Variants in CATSPERD observed in about 807,000 individuals in gnomAD.
The protein encoded by CATSPERD is cation channel sperm-associated auxiliary subunit delta.
A neutral mutation model predicts 98.1 loss-of-function variants in CATSPERD; 86 were observed. The observed-to-expected ratio is 0.88, with a 90% CI of 0.74 to 1.05. CATSPERD has a LOEUF of 1.05. CATSPERD is among the 50% of genes least tolerant of loss of function. The pLI is 0.00. For synonymous variants in CATSPERD, 394 were observed against 390.2 expected, an observed-to-expected ratio of 1.01 and a Z score of -0.12; for missense variants, 995 against 1,005.7, an observed-to-expected ratio of 0.99 and a Z score of 0.14.
At chr19:5,722,981 G>C (rs937788124) in intron 1 of CATSPERD, among the ~76,000 whole-genome samples, 1 of 151,914 alleles carries the variant, frequency 6.6e-6, no homozygotes, top group African/African-American at 2.4e-5. Flanking sequence ...GAGGTCAGGA[G>C]ATCGAGACCA....
intron 15 of CATSPERD, among the ~76,000 whole-genome samples, chr19:5,760,374 A>C (rs145688958): frequency 7.5e-5 from 11 of 147,374 alleles, no homozygotes; most frequent in Non-Finnish European, 1.3e-4. Flanking sequence ...ACTCCATGCT[A>C]GGTGATAGAG....
intron 11 of CATSPERD, among the ~76,000 whole-genome samples, chr19:5,751,197 CAAAAAAAAAAAAAAAAAAAAAAAA>C (rs556079596): frequency 8.6e-5 from 4 of 46,600 alleles, no homozygotes; most frequent in Non-Finnish European, 1.2e-4. Context: ...GATTCCGTCT[CAAAAAAAAAAAAAAAAAAAAAAAA>C]AAAAAAAAAA....
rs116647804 is a variant in CATSPERD, at chr19:5,765,225, C to T, written c.1507-878C>T. 6.8e-3 allele frequency among the ~76,000 whole-genome samples: 1,032 copies of T among 152,240 alleles called. 18 individuals carry two copies. Among genetic ancestry groups the T allele is most frequent in the African/African-American group, 0.024 (995 of 41,538 alleles). On this transcript the variant is annotated intron_variant, in intron 16 of 21. Transcript: ENST00000381624. ...CGCCTGGCCCATGTTTGTCTTAATACAAAACAGTTTTCAAATACTAAAAGT... is the reference window on the plus strand; with the variant it reads ...CGCCTGGCCCATGTTTGTCTTAATATAAAACAGTTTTCAAATACTAAAAGT...
At position 5,745,997 on chromosome 19, in the gene CATSPERD, G is replaced by A. The variant is rs1416219966; in HGVS notation, c.742G>A (p.Ala248Thr). Reference protein sequence around the residue: ...DYNGTLDILIAPGQRGILLLW... With the variant: ...DYNGTLDILITPGQRGILLLW... ...TAATGGGACTCTAGACATCCTCATC[G>A]CCCCCGGCCAGAGAGGCATCCTGCT... The change falls in exon 9 of 22, where the codon GCC (alanine) becomes ACC (threonine). Residue 248 changes from alanine to threonine, a missense_variant. By Grantham distance (58) the Ala-to-Thr change is moderately conservative. Transcript: ENST00000381624. The A allele has an allele frequency of 1.4e-5, 23 of 1,613,900 alleles. No individual in the cohort carries two copies. Among genetic ancestry groups the A allele is most frequent in the Admixed American group, 1.7e-5 (1 of 59,954 alleles).
rs1187925310 is a variant in CATSPERD at position 5,738,370 on chromosome 19, A to AG, written c.460-955dup. Among the ~76,000 whole-genome samples the AG allele has an allele frequency of 3.7e-3, 540 of 145,828 alleles. 10 individuals carry two copies. Among genetic ancestry groups the AG allele is most frequent in the Admixed American group, 5.5e-3 (80 of 14,502 alleles). On this transcript the variant is annotated intron_variant, in intron 6 of 21. Transcript: ENST00000381624. ...CAAAATACAAAAAAAAAAAAAAAAAAGAAAAGAAAAAAATAGCTAGATATG... is the reference window on the plus strand; with the variant it reads ...CAAAATACAAAAAAAAAAAAAAAAAAGGAAAAGAAAAAAATAGCTAGATATG...
chr19:5,720,895 A>G (rs1482996123), intron 1 of CATSPERD, 87 bp downstream of exon 1: 4 of 1,076,596 alleles, frequency 3.7e-6, no homozygotes, highest in South Asian at 3.0e-5. Flanking sequence ...CTGCTCCCCA[A>G]CCTCACTGAG....
At chr19:5,742,340 A>G (rs59997259) in intron 7 of CATSPERD, among the ~76,000 whole-genome samples, 14,120 of 61,214 alleles carry the variant, frequency 0.23, 1,355 homozygotes, top group African/African-American at 0.39. Flanking sequence ...ATGTGTGTAC[A>G]TGTGTGTGTG....
intron 18 of CATSPERD, 55 bp downstream of exon 18, chr19:5,768,297 A>G: frequency 2.2e-6 from 3 of 1,372,388 alleles, no homozygotes; most frequent in Non-Finnish European, 3.0e-6. Flanking sequence ...TTGGGCCTGC[A>G]AAAGCCAAGA....
chr19:5,735,505 G>C (rs62107430), intron 5 of CATSPERD, among the ~76,000 whole-genome samples: 39,718 of 146,224 alleles, frequency 0.27, 6,476 homozygotes, highest in Non-Finnish European at 0.37. Flanking sequence ...ACGGAGTCTC[G>C]CTCTGTCACT....
At chr19:5,756,034 A>C (rs2145802304) in intron 13 of CATSPERD, among the ~76,000 whole-genome samples, 1 of 152,154 alleles carries the variant, frequency 6.6e-6, no homozygotes, top group Non-Finnish European at 1.5e-5. Flanking sequence ...TAATCCCAGC[A>C]CTTTGGGAGG....
chr19:5,733,387 G>C (rs2436534), intron 4 of CATSPERD, among the ~76,000 whole-genome samples: 117,189 of 145,514 alleles, frequency 0.81, 47,010 homozygotes, highest in East Asian at 0.88. Context: ...CTCCCTCTCT[G>C]CCTCCTTCCT....
chr19:5,772,901 C>A lies in CATSPERD; in HGVS notation c.1877C>A (p.Ser626Tyr), dbSNP rs753794105. Residue 626 changes from serine (S) to tyrosine (Y), a missense_variant, in exon 20 of 22, where the codon TCC becomes TAC. By Grantham distance (144) the Ser-to-Tyr change is moderately radical. Coordinates refer to ENST00000381624, the MANE Select transcript of CATSPERD (RefSeq NM_152784.4). The part of the protein sequence containing the change: ...SLTAQSAMCT[S>Y]QPQNWTTMIK... ...ACGGCCCAGTCGGCCATGTGTACCT[C>A]CCAGCCGCAGAACTGGACCACCATG... The A allele has an allele frequency of 3.7e-6, 6 of 1,614,138 alleles. No individual in the cohort carries two copies. In the South Asian group the frequency reaches 6.6e-5, roughly 18 times the overall value.
At chr19:5,748,615 TGA>T (rs899906469) in intron 10 of CATSPERD, among the ~76,000 whole-genome samples, 2 of 117,162 alleles carry the variant, frequency 1.7e-5, no homozygotes, top group Admixed American at 2.3e-4. Context: ...GGCGACACAG[TGA>T]GACTCCAAAA....
At chr19:5,774,783 G>A (rs937163349) in intron 20 of CATSPERD, among the ~76,000 whole-genome samples, 5 of 152,006 alleles carry the variant, frequency 3.3e-5, no homozygotes, top group East Asian at 1.9e-4. Flanking sequence ...TTGGGAGGCC[G>A]AGGTGGATGG....
chr19:5,720,805 G>T lies in CATSPERD; in HGVS notation c.68G>T (p.Cys23Phe). The change falls in exon 1 of 22, where the codon TGT (cysteine) becomes TTT (phenylalanine). Residue 23 changes from cysteine (C) to phenylalanine (F), a missense_variant. Physicochemically the swap from Cys to Phe is radical, Grantham distance 205 (BLOSUM62 -2). This residue lies in a region of CATSPERD where 228 missense variants were observed against 209.6 expected (regional missense o/e 1.09). Coordinates refer to ENST00000381624, the MANE Select transcript of CATSPERD (RefSeq NM_152784.4). ...CGACCGCTGGTCACAGCTCAGCTCTGTCGGTGGGGCTGCCAGGACTCCTGG... is the reference window on the plus strand; with the variant it reads ...CGACCGCTGGTCACAGCTCAGCTCTTTCGGTGGGGCTGCCAGGACTCCTGG... ...WLRPLVTAQL[C>F]RSRTVRTGKV... 6.3e-7 allele frequency: 1 copy of T among 1,599,310 alleles called. No homozygotes were observed. Among genetic ancestry groups the T allele is most frequent in the Non-Finnish European group, 8.5e-7 (1 of 1,178,728 alleles).
chr19:5,746,316 T>A, intron 9 of CATSPERD, among the ~76,000 whole-genome samples: 1 of 151,926 alleles, frequency 6.6e-6, no homozygotes, highest in Non-Finnish European at 1.5e-5. Flanking sequence ...GTGACAAGAG[T>A]CTCCGTCATG....
At chr19:5,747,987 C>T (rs935829033) in intron 9 of CATSPERD, among the ~76,000 whole-genome samples, 173 bp from the exon 10 acceptor site, 1 of 152,086 alleles carries the variant, frequency 6.6e-6, no homozygotes, top group Non-Finnish European at 1.5e-5. Context: ...GCTGTATTCT[C>T]CTTGATTCAT....
chr19:5,737,126 T>C lies in CATSPERD; in HGVS notation c.392-12T>C. Reference sequence around the variant, plus strand: ...AACTCATAAACATTTCAAAATTATATTTTCCTTTCAGGTATAAAACACCCT... The same window carrying C: ...AACTCATAAACATTTCAAAATTATACTTTCCTTTCAGGTATAAAACACCCT... On this transcript the variant is annotated splice_polypyrimidine_tract_variant and intron_variant, in intron 5 of 21. Transcript: ENST00000381624. The C allele has an allele frequency of 1.3e-6, 2 of 1,564,010 alleles. No homozygotes were observed. The highest frequency in any genetic ancestry group is 2.3e-5 in the South Asian group (2 of 88,332).
At chr19:5,776,385 G>A (rs375676642) in intron 21 of CATSPERD, 70 bp downstream of exon 21, 4 of 1,555,152 alleles carry the variant, frequency 2.6e-6, no homozygotes, top group Non-Finnish European at 1.8e-6. Context: ...CCCGTTTCGG[G>A]GGACATGCAG....
Sources: gnomAD v4.1 joint callset for allele counts (sites outside exome capture counted in the v4.1 genomes callset) on GRCh38, gnomAD v4.1.1 for gene constraint, gnomAD v4.1.1 regional missense constraint, MANE v1.5 for transcripts, NCBI Gene and HGNC (gene_info 2026-07-23, HGNC 2026-07-21) for gene names.